The following ARHGAP24 variants were observed in gnomAD, a reference collection of about 807,000 sequenced individuals.
The protein encoded by ARHGAP24 is rho GTPase-activating protein 24.
In ARHGAP24, 50 loss-of-function variants were observed where a neutral mutation model predicts 76.4. That is an observed-to-expected ratio of 0.65 (90% CI 0.52 to 0.83). The LOEUF (loss-of-function observed/expected upper bound fraction) is 0.83. Among genes scored for constraint, ARHGAP24 ranks in the 40% least tolerant of loss-of-function variants. ARHGAP24 has a pLI of 0.00. For synonymous variants in ARHGAP24, 345 were observed against 323.3 expected, an observed-to-expected ratio of 1.07 and a Z score of -0.72; for missense variants, 930 against 914.2, an observed-to-expected ratio of 1.02 and a Z score of -0.22.
chr4:85,609,873 T>C (rs1341272253), intron 2 of ARHGAP24, among the ~76,000 whole-genome samples: 1 of 152,240 alleles, frequency 6.6e-6, no homozygotes, highest in Non-Finnish European at 1.5e-5. Context: ...CTTTGAAATA[T>C]ATGATGAAAT....
chr4:85,703,118 A>G (rs1724161263), intron 2 of ARHGAP24, among the ~76,000 whole-genome samples: 1 of 152,224 alleles, frequency 6.6e-6, no homozygotes, highest in Non-Finnish European at 1.5e-5. Flanking sequence ...AAATGAGGCT[A>G]TGAAAGAAGT....
intron 3 of ARHGAP24, among the ~76,000 whole-genome samples, chr4:85,907,433 T>C (rs1425867389): frequency 6.6e-6 from 1 of 152,246 alleles, no homozygotes; most frequent in East Asian, 1.9e-4. Flanking sequence ...TCAGGGATTA[T>C]GCACTTTATC....
At chr4:85,923,573 AG>A in intron 3 of ARHGAP24, 74 bp from the exon 4 acceptor site, 1 of 1,599,858 alleles carries the variant, frequency 6.3e-7, no homozygotes. Flanking sequence ...TCTCTGTTTC[AG>A]GGGTTCTTCT....
intron 3 of ARHGAP24, among the ~76,000 whole-genome samples, chr4:85,755,241 T>A (rs973282017): frequency 1.3e-5 from 2 of 152,172 alleles, no homozygotes; most frequent in African/African-American, 4.8e-5. Flanking sequence ...CCCAGTGTAC[T>A]TATGGGGACA....
intron 2 of ARHGAP24, among the ~76,000 whole-genome samples, chr4:85,648,416 A>G (rs1721807359): frequency 6.6e-6 from 1 of 152,114 alleles, no homozygotes; most frequent in African/African-American, 2.4e-5. Context: ...TAGTTTGAAA[A>G]CAAATCAAAA....
chr4:85,792,786 T>C (rs981790332), intron 3 of ARHGAP24, among the ~76,000 whole-genome samples: 1 of 152,174 alleles, frequency 6.6e-6, no homozygotes. Flanking sequence ...TTTATTGTAG[T>C]ACAGTTTGAA....
intron 8 of ARHGAP24, among the ~76,000 whole-genome samples, chr4:85,992,426 CA>C (rs1448019717): frequency 6.6e-6 from 1 of 152,090 alleles, no homozygotes; most frequent in African/African-American, 2.4e-5. Context: ...TGGCTGTTCA[CA>C]AACTCATCAT....
intron 3 of ARHGAP24, among the ~76,000 whole-genome samples, chr4:85,808,322 T>C (rs548432996): frequency 6.6e-6 from 1 of 152,308 alleles, no homozygotes; most frequent in South Asian, 2.1e-4. Context: ...CCCAGCAGCA[T>C]TGTTTTGTAA....
At position 86,000,842 on chromosome 4, in the gene ARHGAP24, A is replaced by G. The variant is rs535104995; in HGVS notation, c.*120A>G. 1.4e-6 allele frequency: 2 copies of G among 1,435,852 alleles called. No homozygotes were observed. Among genetic ancestry groups the G allele is most frequent in the Admixed American group, 4.0e-5 (2 of 50,538 alleles). The allele number at this position is 1,435,852 out of a possible 1,614,324, so 88.9% of individuals were successfully genotyped here. A position where few individuals can be genotyped will look rare whatever the true frequency, so the allele number is the denominator to read the frequency against. ...GTACAGAAGTCTAACTGGTGAAGGAATATCATTTACAGACATTAAACATCC... is the reference window on the plus strand; with the variant it reads ...GTACAGAAGTCTAACTGGTGAAGGAGTATCATTTACAGACATTAAACATCC... On this transcript the variant is annotated 3_prime_UTR_variant, in exon 10 of 10. Coordinates refer to ENST00000395184, the MANE Select transcript of ARHGAP24 (RefSeq NM_001025616.3).
At chr4:85,761,373 A>G (rs1242048460) in intron 3 of ARHGAP24, among the ~76,000 whole-genome samples, 3 of 152,118 alleles carry the variant, frequency 2.0e-5, no homozygotes, top group African/African-American at 2.4e-5. Flanking sequence ...TCCTCTCCCA[A>G]TCTCATCTCT....
chr4:85,986,741 C>T (rs1740027648), intron 8 of ARHGAP24, among the ~76,000 whole-genome samples: 1 of 152,072 alleles, frequency 6.6e-6, no homozygotes, highest in Non-Finnish European at 1.5e-5. Flanking sequence ...AGGGAATTTA[C>T]CAGAGATGCT....
intron 3 of ARHGAP24, among the ~76,000 whole-genome samples, chr4:85,755,630 TG>T (rs150699246): frequency 0.022 from 1,579 of 73,114 alleles, 226 homozygotes; most frequent in Middle Eastern, 0.046. Context: ...TCTTTTGTTT[TG>T]TTTTGTTTTG....
intron 2 of ARHGAP24, among the ~76,000 whole-genome samples, chr4:85,698,530 G>A (rs1723955092): frequency 6.6e-6 from 1 of 152,150 alleles, no homozygotes; most frequent in Admixed American, 6.5e-5. Flanking sequence ...GCTCACATTT[G>A]TAAAGTTTCA....
chr4:85,724,202 C>A (rs1021875542), intron 3 of ARHGAP24, among the ~76,000 whole-genome samples: 2 of 152,066 alleles, frequency 1.3e-5, no homozygotes, highest in Non-Finnish European at 2.9e-5. Flanking sequence ...CTTTCAATTG[C>A]CACTTCTGAA....
At chr4:85,694,158 G>T (rs1477975928) in intron 2 of ARHGAP24, among the ~76,000 whole-genome samples, 1 of 151,744 alleles carries the variant, frequency 6.6e-6, no homozygotes, top group Non-Finnish European at 1.5e-5. Context: ...AAATTATGTT[G>T]TTTACTCAAA....
intron 2 of ARHGAP24, among the ~76,000 whole-genome samples, chr4:85,675,111 AC>A (rs1488820436): frequency 1.3e-5 from 2 of 152,168 alleles, no homozygotes; most frequent in African/African-American, 4.8e-5. Context: ...GCAAGTAAAG[AC>A]TGGTAAGCAT....
intron 2 of ARHGAP24, among the ~76,000 whole-genome samples, chr4:85,573,519 A>G (rs1727224369): frequency 6.6e-6 from 1 of 152,206 alleles, no homozygotes; most frequent in Non-Finnish European, 1.5e-5. Flanking sequence ...AGGCACCATG[A>G]GTGATACTGT....
intron 3 of ARHGAP24, among the ~76,000 whole-genome samples, chr4:85,837,147 G>A (rs994201161): frequency 1.3e-5 from 2 of 152,200 alleles, no homozygotes; most frequent in Non-Finnish European, 2.9e-5. Flanking sequence ...CCTTGCTGTA[G>A]AGCATCCCTT....
At chr4:85,517,453 A>G (rs1240825568) in intron 1 of ARHGAP24, among the ~76,000 whole-genome samples, 2 of 152,206 alleles carry the variant, frequency 1.3e-5, no homozygotes, top group Non-Finnish European at 2.9e-5. Flanking sequence ...ACAAAATTTA[A>G]CAATTTAAAA....
Sources: allele counts gnomAD v4.1 joint callset (sites outside exome capture counted in the v4.1 genomes callset), GRCh38; gene constraint gnomAD v4.1.1; transcripts MANE v1.5; gene names NCBI Gene and HGNC (gene_info 2026-07-23, HGNC 2026-07-21).